PIEZO2: variants seen among roughly 807,000 people sequenced by gnomAD.
PIEZO2 encodes piezo-type mechanosensitive ion channel component 2.
A neutral mutation model predicts 337.3 loss-of-function variants in PIEZO2; 172 were observed. The observed-to-expected ratio is 0.51, with a 90% confidence interval of 0.45 to 0.58. The LOEUF is 0.58. Ranked by LOEUF, PIEZO2 falls within the 20% of genes least tolerant of loss-of-function variation. The probability of loss-of-function intolerance (pLI) is 0.00; values close to 1 mark genes in which losing one functional copy is unlikely to be tolerated. For synonymous variants in PIEZO2, 1,251 were observed against 1,228.5 expected (o/e 1.02, Z -0.38); for missense variants, 3,028 against 3,391.3 (o/e 0.89, Z 2.66).
chr18:10,835,332 C>A (rs546447799), intron 7 of PIEZO2, among the ~76,000 whole-genome samples: 146 of 151,520 alleles, frequency 9.6e-4, no homozygotes, highest in Non-Finnish European at 1.0e-4. Context: ...AGAGACATTC[C>A]ATATTTAGAA....
At chr18:10,827,224 A>G (rs2040701080) in intron 7 of PIEZO2, among the ~76,000 whole-genome samples, 1 of 152,142 alleles carries the variant, frequency 6.6e-6, no homozygotes. Flanking sequence ...TTTTTCTGAA[A>G]TATTTAGATT....
chr18:10,763,906 G>T (rs1049372544), intron 21 of PIEZO2, among the ~76,000 whole-genome samples: 1 of 152,172 alleles, frequency 6.6e-6, no homozygotes, highest in African/African-American at 2.4e-5. Flanking sequence ...GGCTTGGTGG[G>T]CCGGTGGGTA....
rs1409998828 is a variant in PIEZO2, at chr18:11,047,535, A to G, written c.160+18592T>C. ...GAGAGCCACATCCACAACAAAGAGG[A>G]GGCAAAGCTTGGATAAGGCAGATCC... On this transcript the variant is annotated intron_variant, in intron 2 of 55. Transcript: ENST00000674853. This position sits in a 1 kb window ranked among gnomAD's most constrained non-coding sequence, Gnocchi z 7.2. Among the ~76,000 whole-genome samples, 1 of 152,174 alleles carries G rather than the reference A, an allele frequency of 6.6e-6. No individual in the cohort carries two copies. Among genetic ancestry groups the G allele is most frequent in the Non-Finnish European group, 1.5e-5 (1 of 68,026 alleles).
At chr18:10,963,394 A>G (rs1307662165) in intron 3 of PIEZO2, among the ~76,000 whole-genome samples, 7 of 152,210 alleles carry the variant, frequency 4.6e-5, no homozygotes, top group Non-Finnish European at 8.8e-5. Flanking sequence ...ATGTTTCTGT[A>G]TCTCTGCCTA....
At chr18:10,810,236 T>C (rs1309622795) in intron 7 of PIEZO2, among the ~76,000 whole-genome samples, 2 of 152,112 alleles carry the variant, frequency 1.3e-5, no homozygotes, top group East Asian at 3.9e-4. Context: ...AACTCACAGA[T>C]TCTATTTCCC....
At chr18:10,936,665 T>C (rs2032418827) in intron 3 of PIEZO2, among the ~76,000 whole-genome samples, 1 of 152,164 alleles carries the variant, frequency 6.6e-6, no homozygotes, top group Non-Finnish European at 1.5e-5. Context: ...AGTGCTTGAA[T>C]GTAGGAAGGA....
rs1282316647 is a variant in PIEZO2 at position 10,794,850 on chromosome 18, T to C, written c.1680A>G (p.Ile560Met). 3 of 1,537,110 alleles carry C rather than the reference T, an allele frequency of 2.0e-6. No individual in the cohort carries two copies. Residue 560 changes from isoleucine (I) to methionine (M), a missense_variant, in exon 13 of 56, where the codon ATA (isoleucine) becomes ATG (methionine). Ile to Met is a conservative substitution (Grantham distance 10). Around this residue, in one of 5 missense-constraint regions of PIEZO2, gnomAD observed 50 missense variants for 88.2 expected, o/e 0.57. Transcript: ENST00000674853. This position sits in a 1 kb window ranked among gnomAD's most constrained non-coding sequence, Gnocchi z 6.6. ...TAATTTCAGGAAGTTCAAAACTCCA[T>C]ATATACTGTAATATCAACAATAGGT... is the stretch of plus-strand genomic sequence containing the variant. The part of the protein sequence containing the change: ...YGNLLLILQY[I>M]WSFELPEIKK...
Position 11,148,499 on chromosome 18 carries a change from G to T in PIEZO2, c.64+26C>A. 6.5e-7 allele frequency: 1 copy of T among 1,536,714 alleles called. No individual in the cohort carries two copies. The highest frequency in any genetic ancestry group is 1.2e-5 in the South Asian group (1 of 84,038). On this transcript the variant is annotated intron_variant, in intron 1 of 55. Transcript: ENST00000674853. The surrounding 1 kb of genome is among the most constrained non-coding windows in gnomAD (Gnocchi z 5.2). ...GGCGCCCCCCTCGTCCTCCTCAAGT[G>T]CCCTCGGAAAGCGGACCAGACTCAC...
At chr18:11,115,015 TAAG>T (rs954920507) in intron 1 of PIEZO2, among the ~76,000 whole-genome samples, 12 of 152,252 alleles carry the variant, frequency 7.9e-5, no homozygotes, top group African/African-American at 2.9e-4. Flanking sequence ...TCCTAAGTAC[TAAG>T]ATCCTCTTCT....
intron 1 of PIEZO2, among the ~76,000 whole-genome samples, chr18:11,145,587 G>C (rs1164560981): frequency 6.6e-6 from 1 of 152,150 alleles, no homozygotes; most frequent in African/African-American, 2.4e-5. Context: ...CTAATGGCAA[G>C]CAGACCTTTG....
Position 10,713,640 on chromosome 18 carries a change from T to C in PIEZO2, c.5423+1124A>G, listed in dbSNP as rs2035903057. ...GGAATGGCCTTATCTCAGTTCTTCC[T>C]AGGCTCAAACCATTTAGGGGATTAC... On this transcript the variant is annotated intron_variant, in intron 39 of 55. Coordinates refer to ENST00000674853, the MANE Select transcript of PIEZO2 (RefSeq NM_001378183.1). This position sits in a 1 kb window ranked among gnomAD's most constrained non-coding sequence, Gnocchi z 4.5. Among the ~76,000 whole-genome samples the C allele has an allele frequency of 6.6e-6, 1 of 152,214 alleles. No homozygotes were observed. The highest frequency in any genetic ancestry group is 1.5e-5 in the Non-Finnish European group (1 of 68,024).
In PIEZO2 at chr18:10,962,440, A is replaced by G. The variant is rs1271550346; in HGVS notation, c.286+17095T>C. Reference sequence around the variant, plus strand: ...TGAGGGGACAACCCTAAAGCCTGGGATCCCAGGAGCTGCACGCAGGGCTCG... The same window carrying G: ...TGAGGGGACAACCCTAAAGCCTGGGGTCCCAGGAGCTGCACGCAGGGCTCG... On this transcript the variant is annotated intron_variant, in intron 3 of 55. Transcript: ENST00000674853. The surrounding 1 kb of genome is among the most constrained non-coding windows in gnomAD (Gnocchi z 4.1). Among the ~76,000 whole-genome samples the G allele has an allele frequency of 1.3e-5, 2 of 152,056 alleles. No homozygotes were observed. The highest frequency in any genetic ancestry group is 2.9e-5 in the Non-Finnish European group (2 of 68,016).
intron 1 of PIEZO2, among the ~76,000 whole-genome samples, chr18:11,087,840 G>A (rs1368340761): frequency 1.3e-5 from 2 of 152,228 alleles, no homozygotes; most frequent in South Asian, 2.1e-4. Flanking sequence ...GGCTGAGCAC[G>A]GTGCCTGCCT....
rs1025504478 is a variant in PIEZO2, at chr18:11,080,405, T to C, written c.65-14183A>G. ...TCACCATCTATACATGCTACTTCCT[T>C]GATTAGACTGTAACCCCCTTAAGAG... On this transcript the variant is annotated intron_variant, in intron 1 of 55. Coordinates refer to ENST00000674853, the MANE Select transcript of PIEZO2 (RefSeq NM_001378183.1). This position sits in a 1 kb window ranked among gnomAD's most constrained non-coding sequence, Gnocchi z 5.4. Among the ~76,000 whole-genome samples, 3 of 152,258 alleles carry C rather than the reference T, an allele frequency of 2.0e-5. No individual in the cohort carries two copies. The highest frequency in any genetic ancestry group is 2.9e-5 in the Non-Finnish European group (2 of 68,040).
At chr18:10,996,231 TCAGAGA>T (rs1314150881) in intron 2 of PIEZO2, among the ~76,000 whole-genome samples, 4 of 152,200 alleles carry the variant, frequency 2.6e-5, no homozygotes, top group Non-Finnish European at 4.4e-5. Flanking sequence ...AACAAGACCC[TCAGAGA>T]CATTTTCTTA....
At chr18:10,722,946 A>C (rs1287920388) in intron 36 of PIEZO2, among the ~76,000 whole-genome samples, 1 of 148,726 alleles carries the variant, frequency 6.7e-6, no homozygotes, top group Non-Finnish European at 1.5e-5. Flanking sequence ...GCATGTGTCC[A>C]GGATGCAGTG....
chr18:10,720,159 T>C (rs1165508968), intron 36 of PIEZO2, among the ~76,000 whole-genome samples: 1 of 149,898 alleles, frequency 6.7e-6, no homozygotes, highest in East Asian at 2.0e-4. Context: ...TTATTTGTTA[T>C]GTTAAAAACT....
At chr18:11,106,471 A>C (rs1397131712) in intron 1 of PIEZO2, among the ~76,000 whole-genome samples, 2 of 135,946 alleles carry the variant, frequency 1.5e-5, no homozygotes, top group African/African-American at 5.8e-5. Flanking sequence ...TCAGTGGTGC[A>C]ATCATAGCTC....
In PIEZO2 at chr18:10,828,122, TTTTG is replaced by T. The variant is rs2040732314; in HGVS notation, c.918-20852_918-20849del. Among the ~76,000 whole-genome samples, 3 of 121,952 alleles carry T rather than the reference TTTTG, an allele frequency of 2.5e-5. No homozygotes were observed. The highest frequency in any genetic ancestry group is 8.5e-5 in the Admixed American group (1 of 11,714). The allele number at this position is 121,952 out of a possible 152,430, so 80.0% of individuals were successfully genotyped here. A position where few individuals can be genotyped will look rare whatever the true frequency, so the allele number is the denominator to read the frequency against. ...AGCTCGAAATAGCATGACGGTTTTT[TTTTG>T]TTTGTTTGTTTTTGTTTTTTTTTTT... On this transcript the variant is annotated intron_variant, in intron 7 of 55. Transcript: ENST00000674853. This position sits in a 1 kb window ranked among gnomAD's most constrained non-coding sequence, Gnocchi z 4.1.
Sources: allele counts gnomAD v4.1 joint callset (sites outside exome capture counted in the v4.1 genomes callset), GRCh38; gene constraint gnomAD v4.1.1; regional missense constraint gnomAD v4.1.1; non-coding constraint Gnocchi (gnomAD v3.1); transcripts MANE v1.5; gene names NCBI Gene and HGNC (gene_info 2026-07-23, HGNC 2026-07-21).